DENND1B: variants seen among roughly 807,000 people sequenced by gnomAD.
DENND1B encodes DENN domain-containing protein 1B.
In DENND1B, 59 loss-of-function variants were observed where a neutral mutation model predicts 90.1. The observed-to-expected ratio is 0.65, with a 90% CI of 0.53 to 0.81. The LOEUF is 0.81. Ranked by LOEUF, DENND1B falls within the 40% of genes least tolerant of loss-of-function variation. The pLI, the probability that DENND1B is intolerant of heterozygous loss-of-function variation, is 0.00. For synonymous variants in DENND1B, 337 were observed against 324.6 expected (o/e 1.04, Z -0.41); for missense variants, 862 against 912.6 (o/e 0.94, Z 0.71).
chr1:197,598,215 T>C (rs965971063), intron 13 of DENND1B, among the ~76,000 whole-genome samples: 1 of 151,840 alleles, frequency 6.6e-6, no homozygotes, highest in Admixed American at 6.6e-5. Flanking sequence ...AAAATAATTT[T>C]TCCTTGACCT....
chr1:197,655,827 C>T (rs559619744), intron 6 of DENND1B, among the ~76,000 whole-genome samples: 69 of 152,178 alleles, frequency 4.5e-4, no homozygotes, highest in Middle Eastern at 3.4e-3. Flanking sequence ...CCACCGCGCC[C>T]GGCCCATTAA....
intron 2 of DENND1B, among the ~76,000 whole-genome samples, chr1:197,753,161 G>A (rs932285065): frequency 2.0e-5 from 3 of 151,916 alleles, no homozygotes; most frequent in African/African-American, 4.8e-5. Flanking sequence ...ATCAATATGC[G>A]ATAAATAATT....
intron 15 of DENND1B, among the ~76,000 whole-genome samples, chr1:197,575,948 G>A (rs1487085336): frequency 6.6e-6 from 1 of 152,156 alleles, no homozygotes; most frequent in Admixed American, 6.5e-5. Flanking sequence ...GGGGCCTGGG[G>A]GAGGGATAGC....
intron 10 of DENND1B, among the ~76,000 whole-genome samples, chr1:197,638,917 C>T (rs545412620): frequency 6.6e-6 from 1 of 151,784 alleles, no homozygotes; most frequent in Admixed American, 6.6e-5. Flanking sequence ...CTCAAACATG[C>T]AAAAATATAA....
intron 13 of DENND1B, among the ~76,000 whole-genome samples, chr1:197,599,094 A>G (rs1490490618): frequency 6.6e-6 from 1 of 151,774 alleles, no homozygotes; most frequent in African/African-American, 2.4e-5. Flanking sequence ...TCTTAGCACT[A>G]AAGTGACTAT....
At chr1:197,579,745 T>C (rs1674028959) in intron 15 of DENND1B, among the ~76,000 whole-genome samples, 1 of 152,184 alleles carries the variant, frequency 6.6e-6, no homozygotes, top group Non-Finnish European at 1.5e-5. Context: ...TAACTTCTTT[T>C]TCAAATATAT....
At chr1:197,559,117 G>A (rs536637239) in intron 15 of DENND1B, among the ~76,000 whole-genome samples, 3 of 151,892 alleles carry the variant, frequency 2.0e-5, no homozygotes, top group Non-Finnish European at 4.4e-5. Flanking sequence ...ACCAGTCAGT[G>A]TATTTCCAGC....
chr1:197,761,370 G>GA (rs998918113), intron 2 of DENND1B, among the ~76,000 whole-genome samples: 13 of 150,310 alleles, frequency 8.6e-5, no homozygotes, highest in Non-Finnish European at 4.4e-5. Flanking sequence ...TCTTGAAGAA[G>GA]AAAAAAAAAG....
At position 197,510,679 on chromosome 1, in the gene DENND1B, C is replaced by T. The variant is rs1667962268; in HGVS notation, c.2109G>A (p.Lys703=). 6.2e-7 allele frequency: 1 copy of T among 1,612,668 alleles called. No individual in the cohort carries two copies. Among genetic ancestry groups the T allele is most frequent in the Admixed American group, 1.7e-5 (1 of 59,810 alleles). Reference sequence around the variant, plus strand: ...CTGAAATCTGGCTTAGTGTTTCCCTCTTTTCTGTTTTTCCTTTATCAGTCT... The same window carrying T: ...CTGAAATCTGGCTTAGTGTTTCCCTTTTTTCTGTTTTTCCTTTATCAGTCT... ...VSQTDKGKTE[K]RETLSQISDD... Residue 703 remains lysine (K), a synonymous_variant, in exon 23 of 23, where the codon AAG becomes AAA. Coordinates refer to ENST00000620048, the MANE Select transcript of DENND1B (RefSeq NM_001195215.2).
chr1:197,559,559 T>C (rs771887119), intron 15 of DENND1B, among the ~76,000 whole-genome samples: 2 of 151,882 alleles, frequency 1.3e-5, no homozygotes, highest in Admixed American at 6.6e-5. Context: ...AGATAAGAGG[T>C]AACTAATAGA....
At chr1:197,675,271 T>C (rs1655938336) in intron 3 of DENND1B, among the ~76,000 whole-genome samples, 1 of 152,162 alleles carries the variant, frequency 6.6e-6, no homozygotes, top group South Asian at 2.1e-4. Flanking sequence ...TTAAACCGTA[T>C]ACATAAATAT....
intron 5 of DENND1B, among the ~76,000 whole-genome samples, 174 bp downstream of exon 5, chr1:197,671,863 T>C (rs145901063): frequency 3.2e-4 from 49 of 152,276 alleles, no homozygotes; most frequent in African/African-American, 1.2e-3. Flanking sequence ...AAAGTTCCAC[T>C]ATGTTAATGG....
At chr1:197,558,073 TAATAAC>T (rs1671860212) in intron 15 of DENND1B, among the ~76,000 whole-genome samples, 1 of 151,826 alleles carries the variant, frequency 6.6e-6, no homozygotes, top group Non-Finnish European at 1.5e-5. Context: ...ATAGCATTGT[TAATAAC>T]AATAAAAGTG....
rs553948934 is a variant in DENND1B, at chr1:197,617,690, C to G, written c.742G>C (p.Val248Leu). ...PMYWQHIYIP[V>L]LPPHLLDYCC... ...TAGTCCAGCAGGTGTGGAGGAAGCACTGGGATGTATATGTGTTGCCAATAC... is the reference window on the plus strand; with the variant it reads ...TAGTCCAGCAGGTGTGGAGGAAGCAGTGGGATGTATATGTGTTGCCAATAC... Residue 248 changes from valine to leucine, a missense_variant, in exon 11 of 23, where the codon GTG becomes CTG. Physicochemically the swap from Val to Leu is conservative, Grantham distance 32 (BLOSUM62 1). Transcript: ENST00000620048. 32 of 1,607,662 alleles carry G rather than the reference C, an allele frequency of 2.0e-5. No individual in the cohort carries two copies. The South Asian group carries it at 3.5e-4, about 18-fold the overall frequency.
At chr1:197,527,305 T>A (rs1669207754) in intron 20 of DENND1B, among the ~76,000 whole-genome samples, 2 of 109,042 alleles carry the variant, frequency 1.8e-5, no homozygotes. Context: ...CTTGAAGGTT[T>A]TTTTTTGTTT....
intron 11 of DENND1B, among the ~76,000 whole-genome samples, chr1:197,616,930 A>C (rs1677706495): frequency 6.6e-6 from 1 of 151,058 alleles, no homozygotes. Context: ...CTAGTCTTGA[A>C]GAAGGCCCAG....
chr1:197,705,729 AAT>A (rs141504424), intron 3 of DENND1B, among the ~76,000 whole-genome samples: 98 of 148,350 alleles, frequency 6.6e-4, no homozygotes, highest in Non-Finnish European at 1.6e-4. Flanking sequence ...AGAAGACTAA[AAT>A]ATATATATAT....
chr1:197,681,728 A>C (rs535928519), intron 3 of DENND1B, among the ~76,000 whole-genome samples: 2 of 151,998 alleles, frequency 1.3e-5, no homozygotes, highest in Non-Finnish European at 2.9e-5. Context: ...GTTCTTTGTC[A>C]GTCTCTATTT....
At chr1:197,709,937 T>G (rs1307465923) in intron 3 of DENND1B, among the ~76,000 whole-genome samples, 4 of 61,646 alleles carry the variant, frequency 6.5e-5, no homozygotes, top group African/African-American at 1.6e-4. Flanking sequence ...TCCTAGTCTC[T>G]GATAAAACAG....
Sources: gnomAD v4.1 joint callset for allele counts (sites outside exome capture counted in the v4.1 genomes callset) on GRCh38, gnomAD v4.1.1 for gene constraint, MANE v1.5 for transcripts, NCBI Gene and HGNC (gene_info 2026-07-23, HGNC 2026-07-21) for gene names.